Variants in FAM171A1 observed in about 807,000 individuals in gnomAD.
The protein encoded by FAM171A1 is protein FAM171A1.
Under a neutral mutation model 74.9 loss-of-function variants are expected in FAM171A1, and 23 were observed. That is an observed-to-expected ratio of 0.31 (90% CI 0.22 to 0.44). FAM171A1 has a LOEUF of 0.44. FAM171A1 is among the 20% of genes least tolerant of loss of function. The pLI is 1.00. For synonymous variants in FAM171A1, 527 were observed against 505.7 expected (o/e 1.04, Z -0.57); for missense variants, 1,162 against 1,159.2 (o/e 1.00, Z -0.03).
At chr10:15,280,339 T>C (rs530900418) in intron 2 of FAM171A1, among the ~76,000 whole-genome samples, 1 of 152,336 alleles carries the variant, frequency 6.6e-6, no homozygotes, top group Non-Finnish European at 1.5e-5. Context: ...ACACAAATGC[T>C]CAGTCATATT....
chr10:15,271,496 A>T (rs1236755477), intron 3 of FAM171A1, among the ~76,000 whole-genome samples: 1 of 152,226 alleles, frequency 6.6e-6, no homozygotes, highest in Admixed American at 6.5e-5. Flanking sequence ...CCAACCTAGC[A>T]AGGCAGGCCA....
intron 1 of FAM171A1, 100 bp downstream of exon 1, chr10:15,370,831 GATGCGGCTCGGGCTGCGTCGCCACC>G (rs1725650079): frequency 3.7e-6 from 1 of 271,268 alleles, no homozygotes; most frequent in African/African-American, 2.4e-5. Flanking sequence ...GGAGGCTCCC[GATGCGGCTCGGGCTGCGTCGCCACC>G]ACGCGGCCCG....
At chr10:15,325,344 C>T (rs141683149) in intron 1 of FAM171A1, among the ~76,000 whole-genome samples, 71 of 152,138 alleles carry the variant, frequency 4.7e-4, no homozygotes, top group Non-Finnish European at 1.2e-4. Flanking sequence ...CTCGTCTCTA[C>T]GAAAAATACA....
intron 1 of FAM171A1, among the ~76,000 whole-genome samples, chr10:15,353,347 A>G (rs541828473): frequency 1.3e-5 from 2 of 152,332 alleles, no homozygotes; most frequent in African/African-American, 4.8e-5. Context: ...TACTTGGAAT[A>G]ACACGCATAC....
At chr10:15,264,842 C>T (rs1388446673) in intron 3 of FAM171A1, among the ~76,000 whole-genome samples, 1 of 148,864 alleles carries the variant, frequency 6.7e-6, no homozygotes, top group East Asian at 1.9e-4. Flanking sequence ...TATTTATCTA[C>T]ATGGTAGTAA....
intron 1 of FAM171A1, among the ~76,000 whole-genome samples, chr10:15,361,101 A>G (rs1482797148): frequency 6.6e-6 from 1 of 152,234 alleles, no homozygotes; most frequent in East Asian, 1.9e-4. Flanking sequence ...TTAATAAAAT[A>G]TGATTAATTA....
At chr10:15,296,644 G>A (rs763962831) in intron 1 of FAM171A1, among the ~76,000 whole-genome samples, 9 of 152,190 alleles carry the variant, frequency 5.9e-5, no homozygotes, top group Non-Finnish European at 1.2e-4. Flanking sequence ...CCCTCTCCAC[G>A]TAGGCACCTT....
chr10:15,233,156 G>A (rs1016038565), intron 5 of FAM171A1, among the ~76,000 whole-genome samples: 1 of 152,200 alleles, frequency 6.6e-6, no homozygotes, highest in Non-Finnish European at 1.5e-5. Flanking sequence ...TTAGCTTGGC[G>A]TGGTGGCCGG....
intron 1 of FAM171A1, among the ~76,000 whole-genome samples, chr10:15,311,962 A>G (rs754866373): frequency 3.9e-5 from 6 of 152,172 alleles, no homozygotes; most frequent in Non-Finnish European, 5.9e-5. Context: ...TTACGTGATT[A>G]TTTACTGTTA....
chr10:15,272,786 A>C (rs908028921), intron 3 of FAM171A1, among the ~76,000 whole-genome samples: 1 of 152,234 alleles, frequency 6.6e-6, no homozygotes, highest in Non-Finnish European at 1.5e-5. Flanking sequence ...CTGCTCCTGA[A>C]TGACTACTGG....
chr10:15,232,662 A>G (rs1024608421), intron 5 of FAM171A1, among the ~76,000 whole-genome samples: 2 of 152,218 alleles, frequency 1.3e-5, no homozygotes, highest in African/African-American at 4.8e-5. Flanking sequence ...CAAACAAAAT[A>G]CATCTGGAAA....
intron 1 of FAM171A1, among the ~76,000 whole-genome samples, chr10:15,345,404 G>A (rs1835807427): frequency 1.3e-5 from 2 of 152,106 alleles, no homozygotes; most frequent in African/African-American, 4.8e-5. Context: ...ACACAGACCT[G>A]GGATGGCAGA....
intron 5 of FAM171A1, among the ~76,000 whole-genome samples, chr10:15,245,869 A>G (rs575968592): frequency 2.0e-5 from 3 of 152,380 alleles, no homozygotes; most frequent in East Asian, 1.9e-4. Context: ...TCACAGTTTT[A>G]TAAGTAGCAG....
Position 15,213,008 on chromosome 10 carries a change from C to T in FAM171A1, c.2580G>A (p.Glu860=), listed in dbSNP as rs147488920. The part of the protein sequence containing the change: ...PHQRRSAHEE[E]EDDDDDDQGE... ...CTTGGTCATCATCATCATCGTCTTC[C>T]TCTTCCTCGTGGGCAGATCTTCTCT... The change falls in exon 8 of 8, where the codon GAG becomes GAA. Residue 860 remains glutamate (E), a synonymous_variant. Coordinates refer to ENST00000378116, the MANE Select transcript of FAM171A1 (RefSeq NM_001010924.2). This position sits in a 1 kb window ranked among gnomAD's most constrained non-coding sequence, Gnocchi z 6.8. 138 of 1,613,992 alleles carry T rather than the reference C, an allele frequency of 8.6e-5. No homozygotes were observed. Among genetic ancestry groups the T allele is most frequent in the Non-Finnish European group, 1.1e-4 (130 of 1,180,040 alleles).
rs548242712 is a variant in FAM171A1 at position 15,283,376 on chromosome 10, C to T, written c.325+502G>A. Among the ~76,000 whole-genome samples the T allele has an allele frequency of 2.6e-5, 4 of 152,278 alleles. No homozygotes were observed. The South Asian group carries it at 8.3e-4, about 32-fold the overall frequency. ...CTGCTTAATATCTCTCAGGTTTATC[C>T]CCTTTTCTTATGAACTCTCCTAGAT... is the stretch of plus-strand genomic sequence containing the variant. On this transcript the variant is annotated intron_variant, in intron 2 of 7. Transcript: ENST00000378116.
At chr10:15,248,370 T>A (rs1434874454) in intron 5 of FAM171A1, among the ~76,000 whole-genome samples, 1 of 152,146 alleles carries the variant, frequency 6.6e-6, no homozygotes, top group Admixed American at 6.5e-5. Context: ...GTTTTAGCTC[T>A]AATAACCTTT....
intron 1 of FAM171A1, among the ~76,000 whole-genome samples, chr10:15,287,706 T>C (rs749961020): frequency 3.9e-5 from 6 of 152,184 alleles, no homozygotes; most frequent in Non-Finnish European, 7.4e-5. Flanking sequence ...CATTTTCTTA[T>C]TTAACTTGGT....
At chr10:15,355,599 T>C (rs1225080134) in intron 1 of FAM171A1, among the ~76,000 whole-genome samples, 3 of 151,998 alleles carry the variant, frequency 2.0e-5, no homozygotes, top group Non-Finnish European at 4.4e-5. Context: ...GCACCTGTAG[T>C]CCCAGCTACT....
At chr10:15,225,751 C>T (rs1420201576) in intron 5 of FAM171A1, among the ~76,000 whole-genome samples, 1 of 152,120 alleles carries the variant, frequency 6.6e-6, no homozygotes, top group Non-Finnish European at 1.5e-5. Context: ...TCGGGCACTG[C>T]TGAGACAGAG....
Sources: allele counts gnomAD v4.1 joint callset (sites outside exome capture counted in the v4.1 genomes callset), GRCh38; gene constraint gnomAD v4.1.1; non-coding constraint Gnocchi (gnomAD v3.1); transcripts MANE v1.5; gene names NCBI Gene and HGNC (gene_info 2026-07-23, HGNC 2026-07-21).